The following SNX3 variants were observed in gnomAD, a reference collection of about 807,000 sequenced individuals.
SNX3 encodes the protein sorting nexin-3.
In SNX3, 5 loss-of-function variants were observed where a neutral mutation model predicts 17.7. The ratio of observed to expected loss-of-function variants is 0.28; its 90% CI spans 0.15 to 0.59. The LOEUF (loss-of-function observed/expected upper bound fraction) is 0.59. Among genes scored for constraint, SNX3 ranks in the 20% least tolerant of loss-of-function variants. The probability of loss-of-function intolerance (pLI) is 0.88; values close to 1 mark genes in which losing one functional copy is unlikely to be tolerated. For synonymous variants in SNX3, 91 were observed against 76.5 expected (o/e 1.19, Z -0.99); for missense variants, 132 against 206.8 (o/e 0.64, Z 2.22).
At chr6:108,258,499 A>C (rs906058704) in intron 1 of SNX3, among the ~76,000 whole-genome samples, 1 of 151,956 alleles carries the variant, frequency 6.6e-6, no homozygotes, top group East Asian at 1.9e-4. Context: ...GTAAATGACT[A>C]TACCAAAACC....
chr6:108,241,993 A>T (rs1166948945), intron 1 of SNX3, among the ~76,000 whole-genome samples: 1 of 152,228 alleles, frequency 6.6e-6, no homozygotes, highest in Non-Finnish European at 1.5e-5. Flanking sequence ...CTCAACAAAA[A>T]GATTATTTAA....
At position 108,249,267 on chromosome 6, in the gene SNX3, C is replaced by A. The variant is rs147774639; in HGVS notation, c.162+11493G>T. On this transcript the variant is annotated intron_variant, in intron 1 of 3. Transcript: ENST00000230085. ...CTGTATGAGAAATTAATTAATTATA[C>A]AAAAATTAGCTGGGCATGGTGGCAC... Among the ~76,000 whole-genome samples the A allele has an allele frequency of 8.1e-3, 1,237 of 151,966 alleles. 7 individuals are homozygous for A. The highest frequency in any genetic ancestry group is 0.013 in the Non-Finnish European group (916 of 67,966).
In SNX3 at chr6:108,239,203, C is replaced by G. The variant is rs187767956; in HGVS notation, c.163-16158G>C. 1.5e-3 allele frequency among the ~76,000 whole-genome samples: 233 copies of G among 152,190 alleles called. 2 individuals carry two copies. Among genetic ancestry groups the G allele is most frequent in the African/African-American group, 5.3e-3 (220 of 41,532 alleles). ...CAGGCGTGAGCCACTGTGCCTAGCC[C>G]TTGACACCTTTTCTGATTCCTGGAA... is the stretch of plus-strand genomic sequence containing the variant. On this transcript the variant is annotated intron_variant, in intron 1 of 3. Transcript: ENST00000230085.
intron 1 of SNX3, among the ~76,000 whole-genome samples, chr6:108,227,580 T>C (rs1775013471): frequency 6.6e-6 from 1 of 152,220 alleles, no homozygotes; most frequent in Non-Finnish European, 1.5e-5. Context: ...GTTTATATAC[T>C]TAAATTTAGA....
chr6:108,240,906 G>C (rs565849593), intron 1 of SNX3, among the ~76,000 whole-genome samples: 3 of 152,008 alleles, frequency 2.0e-5, no homozygotes, highest in Non-Finnish European at 2.9e-5. Flanking sequence ...ACTTTGGGAG[G>C]CTGAGGCGGG....
rs376139151 is a variant in SNX3 at position 108,224,513 on chromosome 6, C to T, written c.163-1468G>A. On this transcript the variant is annotated intron_variant, in intron 1 of 3. Coordinates refer to ENST00000230085, the MANE Select transcript of SNX3 (RefSeq NM_003795.6). ...GCCAGGATGGTCTCCATCTCCTGACCGCGTGATCTGCCCACCTTAGCCTCC... is the reference window on the plus strand; with the variant it reads ...GCCAGGATGGTCTCCATCTCCTGACTGCGTGATCTGCCCACCTTAGCCTCC... Among the ~76,000 whole-genome samples the T allele has an allele frequency of 3.3e-5, 5 of 152,068 alleles. No individual in the cohort carries two copies. The East Asian group carries it at 7.7e-4, about 23-fold the overall frequency.
intron 1 of SNX3, among the ~76,000 whole-genome samples, chr6:108,228,192 C>T (rs1482485191): frequency 6.6e-6 from 1 of 152,062 alleles, no homozygotes; most frequent in Admixed American, 6.6e-5. Flanking sequence ...GTGGGAGGAT[C>T]ACAGGAGTTT....
chr6:108,229,954 A>C (rs183509598), intron 1 of SNX3, among the ~76,000 whole-genome samples: 25 of 152,280 alleles, frequency 1.6e-4, no homozygotes, highest in African/African-American at 5.5e-4. Context: ...GTTACTACAG[A>C]AGTAGAAGCC....
At chr6:108,249,666 A>G (rs1775791377) in intron 1 of SNX3, among the ~76,000 whole-genome samples, 1 of 152,146 alleles carries the variant, frequency 6.6e-6, no homozygotes, top group Non-Finnish European at 1.5e-5. Flanking sequence ...ATAAACTTCA[A>G]AAGTTGAAAA....
chr6:108,236,444 C>T (rs559245590), intron 1 of SNX3, among the ~76,000 whole-genome samples: 46 of 142,910 alleles, frequency 3.2e-4, no homozygotes, highest in African/African-American at 4.1e-4. Flanking sequence ...AGTGCAGTGG[C>T]GGGATCTCGG....
rs1302636777 is a variant in SNX3, at chr6:108,256,822, CT to C, written c.162+3937del. ...TGCCTAAATAATTCCAGACCTTGAA[CT>C]TTCCTAAACCTTTAATCATTTATGG... On this transcript the variant is annotated intron_variant, in intron 1 of 3. Transcript: ENST00000230085. Among the ~76,000 whole-genome samples, 4 of 152,352 alleles carry C rather than the reference CT, an allele frequency of 2.6e-5. No homozygotes were observed. In the East Asian group the frequency reaches 7.7e-4, roughly 29 times the overall value.
intron 2 of SNX3, among the ~76,000 whole-genome samples, chr6:108,221,362 T>TACCTA (rs1449089240): frequency 6.6e-6 from 1 of 151,736 alleles, no homozygotes; most frequent in East Asian, 1.9e-4. Flanking sequence ...CCCCGCAATT[T>TACCTA]ACCTAATAGG....
chr6:108,247,466 C>G (rs116930967), intron 1 of SNX3, among the ~76,000 whole-genome samples: 82 of 151,980 alleles, frequency 5.4e-4, no homozygotes, highest in Non-Finnish European at 8.5e-4. Flanking sequence ...CACTTGGGCT[C>G]AAGTGATCCT....
intron 1 of SNX3, among the ~76,000 whole-genome samples, chr6:108,226,943 T>G (rs1383447878): frequency 6.6e-6 from 1 of 152,174 alleles, no homozygotes; most frequent in African/African-American, 2.4e-5. Flanking sequence ...ATTGTATAAA[T>G]GACTAAGGAA....
At chr6:108,245,291 C>T (rs568133704) in intron 1 of SNX3, among the ~76,000 whole-genome samples, 2 of 152,258 alleles carry the variant, frequency 1.3e-5, no homozygotes, top group South Asian at 2.1e-4. Flanking sequence ...GACATGAACT[C>T]GTTCTTTTTT....
chr6:108,225,752 TAGGCC>T (rs1774955540), intron 1 of SNX3, among the ~76,000 whole-genome samples: 1 of 152,098 alleles, frequency 6.6e-6, no homozygotes, highest in Non-Finnish European at 1.5e-5. Flanking sequence ...GAATAGATTT[TAGGCC>T]AGGCATGGTG....
intron 1 of SNX3, among the ~76,000 whole-genome samples, chr6:108,256,317 AT>A: frequency 6.6e-6 from 1 of 152,366 alleles, no homozygotes; most frequent in Admixed American, 6.5e-5. Flanking sequence ...TAATGAAGGT[AT>A]ACTTCCATGA....
At chr6:108,217,868 G>A (rs1441875181) in intron 2 of SNX3, among the ~76,000 whole-genome samples, 3 of 152,030 alleles carry the variant, frequency 2.0e-5, no homozygotes, top group East Asian at 3.8e-4. Context: ...GAAAGCTAAA[G>A]CAAACTAGAA....
At chr6:108,212,304 G>C in intron 3 of SNX3, 50 bp from the exon 4 acceptor site, 1 of 1,282,602 alleles carries the variant, frequency 7.8e-7, no homozygotes, top group Non-Finnish European at 1.1e-6. Context: ...CAAGGTGGGG[G>C]AGTTCAAAAC....
Sources: gnomAD v4.1 joint callset for allele counts (sites outside exome capture counted in the v4.1 genomes callset) on GRCh38, gnomAD v4.1.1 for gene constraint, MANE v1.5 for transcripts, NCBI Gene and HGNC (gene_info 2026-07-23, HGNC 2026-07-21) for gene names.